Variants in GLMN observed in about 807,000 individuals in gnomAD.
GLMN encodes glomulin.
GLMN carries 75 observed loss-of-function variants against 87.8 expected under a neutral mutation model. That is an observed-to-expected ratio of 0.85 (90% CI 0.71 to 1.04). The LOEUF is 1.04. Ranked by LOEUF, GLMN falls within the 50% of genes least tolerant of loss-of-function variation. The pLI is 0.00. For synonymous variants in GLMN, 206 were observed against 221.6 expected, an observed-to-expected ratio of 0.93 and a Z score of 0.63; for missense variants, 588 against 658.8, an observed-to-expected ratio of 0.89 and a Z score of 1.18.
chr1:92,266,796 CA>C, intron 11 of GLMN, 55 bp from the exon 12 acceptor site: 3 of 1,107,696 alleles, frequency 2.7e-6, no homozygotes, highest in Non-Finnish European at 4.1e-6. Flanking sequence ...TGACTGCAAA[CA>C]AACAACTATA....
chr1:92,285,859 T>C (rs1408076953), intron 7 of GLMN, among the ~76,000 whole-genome samples: 1 of 152,222 alleles, frequency 6.6e-6, no homozygotes, highest in Non-Finnish European at 1.5e-5. Flanking sequence ...TAATACAGAA[T>C]CTGAGCACAT....
chr1:92,307,086 C>A, the GLMN span: 1 of 787,526 alleles, frequency 1.3e-6, no homozygotes, highest in African/African-American at 1.8e-5. Context: ...TGTAGGTTTC[C>A]ATTTTATTCT....
At position 92,266,375 on chromosome 1, in the gene GLMN, T is replaced by C. The variant is rs542364090; in HGVS notation, c.1214+44A>G. The C allele has an allele frequency of 1.6e-5, 16 of 1,009,470 alleles. 1 individual carries two copies. In the South Asian group the frequency reaches 1.8e-4, roughly 11 times the overall value. The allele number at this position is 1,009,470 out of a possible 1,614,324, so 62.5% of individuals were successfully genotyped here. ...CAATTACATGGCATTAACATGACTT[T>C]TAATCAACCACACACTTAGCAATTA... On this transcript the variant is annotated intron_variant, in intron 13 of 18. Coordinates refer to ENST00000370360, the MANE Select transcript of GLMN (RefSeq NM_053274.3).
chr1:92,356,142 A>T, the GLMN span, among the ~76,000 whole-genome samples: 33 of 150,430 alleles, frequency 2.2e-4, no homozygotes, highest in African/African-American at 7.3e-4. Context: ...TTATTTATTT[A>T]TTTTTTAATT....
At chr1:92,317,579 C>A in the GLMN span, among the ~76,000 whole-genome samples, 30 of 152,226 alleles carry the variant, frequency 2.0e-4, no homozygotes, top group Middle Eastern at 6.8e-3. Flanking sequence ...AACCATCTAG[C>A]AGACAATTTG....
At chr1:92,351,471 C>T in the GLMN span, among the ~76,000 whole-genome samples, 1 of 152,064 alleles carries the variant, frequency 6.6e-6, no homozygotes, top group Non-Finnish European at 1.5e-5. Context: ...TAATCATGGT[C>T]ACAGTATTCA....
chr1:92,364,580 T>C, the GLMN span, among the ~76,000 whole-genome samples: 1 of 152,188 alleles, frequency 6.6e-6, no homozygotes, highest in African/African-American at 2.4e-5. Context: ...TAAGTCATTT[T>C]GCCTTTCAAA....
At chr1:92,286,415 A>C (rs1378520661) in intron 7 of GLMN, 75 bp downstream of exon 7, 1 of 709,068 alleles carries the variant, frequency 1.4e-6, no homozygotes, top group Non-Finnish European at 2.5e-6. Context: ...TGAATGTATC[A>C]ATTTACATGT....
chr1:92,328,014 G>A, the GLMN span, among the ~76,000 whole-genome samples: 2 of 152,316 alleles, frequency 1.3e-5, no homozygotes, highest in South Asian at 4.1e-4. Flanking sequence ...GGTTTCTGCT[G>A]AGAAATCTGC....
chr1:92,273,653 G>A (rs570564496), intron 7 of GLMN, among the ~76,000 whole-genome samples: 3 of 150,934 alleles, frequency 2.0e-5, no homozygotes, highest in South Asian at 4.2e-4. Context: ...ATGGGGTTTC[G>A]CCATGCAGCC....
intron 9 of GLMN, among the ~76,000 whole-genome samples, chr1:92,268,408 AAACT>A (rs1373777748): frequency 6.6e-6 from 1 of 152,246 alleles, no homozygotes; most frequent in Non-Finnish European, 1.5e-5. Context: ...AAGTGCTAAG[AAACT>A]AACTAAACCT....
intron 6 of GLMN, among the ~76,000 whole-genome samples, chr1:92,287,353 CTT>C (rs995023357): frequency 6.6e-6 from 1 of 151,224 alleles, no homozygotes; most frequent in Non-Finnish European, 1.5e-5. Context: ...TGGTAAAAAA[CTT>C]TTTTTTTGAG....
At chr1:92,246,973 C>A in intron 18 of GLMN, 89 bp downstream of exon 18, 1 of 788,644 alleles carries the variant, frequency 1.3e-6, no homozygotes, top group Non-Finnish European at 2.3e-6. Flanking sequence ...CAGTGAGCCA[C>A]AATCATGCCA....
At chr1:92,367,536 A>C in the GLMN span, among the ~76,000 whole-genome samples, 3 of 152,284 alleles carry the variant, frequency 2.0e-5, no homozygotes, top group Admixed American at 6.5e-5. Flanking sequence ...TGAGTGTTTA[A>C]AAAAATTTTC....
the GLMN span, chr1:92,336,286 G>A: frequency 1.8e-6 from 2 of 1,130,124 alleles, no homozygotes; most frequent in African/African-American, 3.1e-5. Context: ...ATCTAGGCAT[G>A]ACCCAAAAAA....
At chr1:92,321,593 G>C in the GLMN span, among the ~76,000 whole-genome samples, 10 of 151,980 alleles carry the variant, frequency 6.6e-5, no homozygotes, top group Non-Finnish European at 1.0e-4. Context: ...TTTCAAGTTT[G>C]TATTGGCAAA....
intron 16 of GLMN, among the ~76,000 whole-genome samples, chr1:92,250,605 C>T (rs1476089945): frequency 2.6e-5 from 4 of 152,164 alleles, no homozygotes; most frequent in Non-Finnish European, 4.4e-5. Context: ...TCACAACTCA[C>T]ACGTTTATTT....
At chr1:92,325,923 A>G in the GLMN span, among the ~76,000 whole-genome samples, 1 of 152,034 alleles carries the variant, frequency 6.6e-6, no homozygotes, top group Non-Finnish European at 1.5e-5. Flanking sequence ...TAAATATACC[A>G]TTTATTTATG....
the GLMN span, chr1:92,333,297 C>G: frequency 2.0e-6 from 2 of 980,456 alleles, no homozygotes; most frequent in African/African-American, 1.6e-5. Flanking sequence ...GCCACAGATA[C>G]AAACTTTTGT....
Sources: allele counts gnomAD v4.1 joint callset (sites outside exome capture counted in the v4.1 genomes callset), GRCh38; gene constraint gnomAD v4.1.1; transcripts MANE v1.5; gene names NCBI Gene and HGNC (gene_info 2026-07-23, HGNC 2026-07-21).